The following LOC122539214 variants were observed in gnomAD, a reference collection of about 807,000 sequenced individuals.
chr19:52,653,490 C>A, the LOC122539214 span, among the ~76,000 whole-genome samples: 11 of 152,160 alleles, frequency 7.2e-5, no homozygotes, highest in Non-Finnish European at 1.5e-4. Context: ...TGTATGGTTT[C>A]TCTCCAGTAT....
the LOC122539214 span, among the ~76,000 whole-genome samples, chr19:52,685,136 C>G: frequency 2.0e-5 from 3 of 152,192 alleles, no homozygotes; most frequent in Non-Finnish European, 4.4e-5. Flanking sequence ...TCCCCTCTCC[C>G]AGAAGAAAAG....
the LOC122539214 span, among the ~76,000 whole-genome samples, chr19:52,678,981 A>C: frequency 6.6e-6 from 1 of 152,150 alleles, no homozygotes; most frequent in Non-Finnish European, 1.5e-5. Flanking sequence ...CTCAAAAAAA[A>C]AAAAAAGAAA....
At chr19:52,677,959 T>A in the LOC122539214 span, among the ~76,000 whole-genome samples, 1 of 151,598 alleles carries the variant, frequency 6.6e-6, no homozygotes, top group Admixed American at 6.6e-5. Context: ...TGCTTGAACC[T>A]GGGAGTCGGA....
chr19:52,674,976 C>T, the LOC122539214 span, among the ~76,000 whole-genome samples: 1 of 152,212 alleles, frequency 6.6e-6, no homozygotes, highest in African/African-American at 2.4e-5. Flanking sequence ...CCACCTTGGG[C>T]TCCCAAAGTG....
At chr19:52,675,504 A>G in the LOC122539214 span, among the ~76,000 whole-genome samples, 46,283 of 151,074 alleles carry the variant, frequency 0.31, 7,503 homozygotes, top group African/African-American at 0.4. Context: ...GAGTCATCAT[A>G]CCCTGCACAC....
the LOC122539214 span, among the ~76,000 whole-genome samples, chr19:52,687,611 AATGTG>A: frequency 3.5e-5 from 1 of 28,308 alleles, no homozygotes; most frequent in African/African-American, 4.1e-4. Flanking sequence ...ATATATATAT[AATGTG>A]TATATATATA....
the LOC122539214 span, among the ~76,000 whole-genome samples, chr19:52,674,910 G>C: frequency 6.6e-6 from 1 of 152,176 alleles, no homozygotes; most frequent in South Asian, 2.1e-4. Flanking sequence ...GCTGGGAAAA[G>C]TGGCTAACCT....
the LOC122539214 span, among the ~76,000 whole-genome samples, chr19:52,681,280 C>CAAAAAAA: frequency 7.3e-3 from 547 of 75,324 alleles, 21 homozygotes; most frequent in African/African-American, 0.013. Flanking sequence ...GAGACTTTCT[C>CAAAAAAA]AAAAAAAAAA....
the LOC122539214 span, among the ~76,000 whole-genome samples, chr19:52,670,563 A>C: frequency 1.1e-4 from 17 of 152,194 alleles, no homozygotes; most frequent in African/African-American, 4.1e-4. Context: ...CACACTTAAA[A>C]TGAGTTATAT....
At chr19:52,676,576 C>A in the LOC122539214 span, among the ~76,000 whole-genome samples, 1 of 151,858 alleles carries the variant, frequency 6.6e-6, no homozygotes, top group African/African-American at 2.4e-5. Context: ...GCCGCCCCTA[C>A]TGGGAAGTGA....
chr19:52,668,870 C>T, the LOC122539214 span, among the ~76,000 whole-genome samples: 8 of 151,994 alleles, frequency 5.3e-5, no homozygotes, highest in Admixed American at 6.5e-5. Context: ...CCTGGGGTAA[C>T]AAGTTATGCC....
the LOC122539214 span, among the ~76,000 whole-genome samples, chr19:52,659,924 A>G: frequency 6.6e-6 from 1 of 152,268 alleles, no homozygotes; most frequent in South Asian, 2.1e-4. Flanking sequence ...GGTGGGCGGT[A>G]ACTCACGCCT....
chr19:52,688,755 T>A, the LOC122539214 span, among the ~76,000 whole-genome samples: 1 of 152,122 alleles, frequency 6.6e-6, no homozygotes, highest in Non-Finnish European at 1.5e-5. Context: ...AAGTACTGCA[T>A]TTATTCACTC....
chr19:52,650,692 G>C, the LOC122539214 span: 1 of 152,148 alleles, frequency 6.6e-6, no homozygotes, highest in African/African-American at 2.4e-5. Flanking sequence ...CAAAGTCTCA[G>C]AAAAAACAGA....
the LOC122539214 span, among the ~76,000 whole-genome samples, chr19:52,679,384 G>A: frequency 6.6e-6 from 1 of 152,192 alleles, no homozygotes. Flanking sequence ...GCCAAGGTGG[G>A]TGGGTCACCT....
At chr19:52,652,571 C>A in the LOC122539214 span, 1 of 432,556 alleles carries the variant, frequency 2.3e-6, no homozygotes, top group Non-Finnish European at 4.7e-6. Context: ...CGTTTCTTTC[C>A]AGTATGAGTT....
At chr19:52,663,863 T>C in the LOC122539214 span, among the ~76,000 whole-genome samples, 3 of 152,232 alleles carry the variant, frequency 2.0e-5, no homozygotes, top group Non-Finnish European at 4.4e-5. Context: ...TACCAAAGCT[T>C]ATTTGAGAAG....
chr19:52,681,280 C>CAAAAAAAAAAAAAAAAAAAAAAAAA, the LOC122539214 span, among the ~76,000 whole-genome samples: 9 of 75,420 alleles, frequency 1.2e-4, no homozygotes, highest in South Asian at 6.4e-4. Context: ...GAGACTTTCT[C>CAAAAAAAAAAAAAAAAAAAAAAAAA]AAAAAAAAAA....
At chr19:52,680,140 C>G in the LOC122539214 span, among the ~76,000 whole-genome samples, 6 of 152,164 alleles carry the variant, frequency 3.9e-5, no homozygotes, top group African/African-American at 1.4e-4. Context: ...GATCACACCA[C>G]TGCACTCCAC....
Sources: gnomAD v4.1 joint callset for allele counts (sites outside exome capture counted in the v4.1 genomes callset) on GRCh38, gnomAD v4.1.1 for gene constraint, MANE v1.5 for transcripts.